PCDHAC1: variants seen among roughly 807,000 people sequenced by gnomAD.
PCDHAC1 encodes the protein protocadherin alpha-C1.
PCDHAC1 carries 42 observed loss-of-function variants against 60.0 expected under a neutral mutation model. That is an observed-to-expected ratio of 0.70 (90% CI 0.55 to 0.90). The LOEUF is 0.90. Among genes scored for constraint, PCDHAC1 ranks in the 40% least tolerant of loss-of-function variants. The pLI is 0.00. For missense variants in PCDHAC1, 1,160 were observed against 1,222.3 expected (o/e 0.95, Z 0.76); for synonymous variants, 468 against 499.3 (o/e 0.94, Z 0.84).
At chr5:140,985,851 TG>T (rs1269261138) in intron 3 of PCDHAC1, among the ~76,000 whole-genome samples, 1 of 149,322 alleles carries the variant, frequency 6.7e-6, no homozygotes, top group Non-Finnish European at 1.5e-5. Flanking sequence ...GCCACTCTCC[TG>T]CCTCAGCCTC....
At chr5:140,963,346 A>G (rs2095758163) in intron 1 of PCDHAC1, among the ~76,000 whole-genome samples, 1 of 152,236 alleles carries the variant, frequency 6.6e-6, no homozygotes, top group Non-Finnish European at 1.5e-5. Flanking sequence ...TTGTAAATTT[A>G]GTTCTTTTCA....
At chr5:140,943,277 AG>A (rs199866143) in intron 1 of PCDHAC1, among the ~76,000 whole-genome samples, 16,429 of 127,604 alleles carry the variant, frequency 0.13, 1,638 homozygotes, top group African/African-American at 0.18. Flanking sequence ...AAAAAAAAAA[AG>A]AAAGAAAGAA....
chr5:140,977,325 G>A (rs1277032974), intron 1 of PCDHAC1, among the ~76,000 whole-genome samples: 1 of 152,210 alleles, frequency 6.6e-6, no homozygotes, highest in African/African-American at 2.4e-5. Context: ...TCCTGATGGC[G>A]AGGGGAGAGA....
intron 1 of PCDHAC1, among the ~76,000 whole-genome samples, chr5:140,942,450 C>A (rs1017198131): frequency 6.6e-6 from 1 of 151,378 alleles, no homozygotes; most frequent in African/African-American, 2.4e-5. Flanking sequence ...AGTAAACTAT[C>A]AATTATAATA....
intron 3 of PCDHAC1, among the ~76,000 whole-genome samples, chr5:140,997,970 G>A (rs2097791868): frequency 2.0e-5 from 3 of 152,106 alleles, no homozygotes; most frequent in Admixed American, 2.0e-4. Context: ...ACCTGTGGTT[G>A]GACTGCACTT....
chr5:141,010,276 TTGA>T lies in PCDHAC1; in HGVS notation c.*343_*345del, dbSNP rs1554262867. On this transcript the variant is annotated 3_prime_UTR_variant, in exon 4 of 4. Transcript: ENST00000253807. ...TGCCCTGTGCTCCGGGGATCCTGTC[TTGA>T]TGACACTTGCAGGGCAGGCTGAAAA... is the stretch of plus-strand genomic sequence containing the variant. The T allele has an allele frequency of 4.5e-6, 7 of 1,551,580 alleles. No individual in the cohort carries two copies. The highest frequency in any genetic ancestry group is 6.1e-6 in the Non-Finnish European group (7 of 1,146,976).
chr5:140,993,462 TCACACACACACACACA>T (rs3836747), intron 3 of PCDHAC1, among the ~76,000 whole-genome samples: 191 of 141,044 alleles, frequency 1.4e-3, no homozygotes, highest in African/African-American at 3.8e-3. Context: ...TCTTTCTTTC[TCACACACACACACACA>T]CACACACACA....
intron 3 of PCDHAC1, among the ~76,000 whole-genome samples, chr5:140,987,219 A>G (rs1340141684): frequency 6.6e-6 from 1 of 151,240 alleles, no homozygotes; most frequent in African/African-American, 2.5e-5. Flanking sequence ...ATCTCAAAAA[A>G]AAAAAAAATA....
At chr5:141,009,120 T>C (rs1383940737) in intron 3 of PCDHAC1, among the ~76,000 whole-genome samples, 1 of 152,236 alleles carries the variant, frequency 6.6e-6, no homozygotes, top group African/African-American at 2.4e-5. Flanking sequence ...ACTAGATTCT[T>C]GGTATCCTGG....
intron 1 of PCDHAC1, chr5:140,969,304 C>A (rs782271875): frequency 9.3e-6 from 15 of 1,614,042 alleles, no homozygotes; most frequent in African/African-American, 1.3e-5. Flanking sequence ...TGATTATTCT[C>A]AAAAATGAGG....
intron 1 of PCDHAC1, chr5:140,968,024 A>C: frequency 1.2e-6 from 2 of 1,614,178 alleles, no homozygotes; most frequent in Non-Finnish European, 1.7e-6. Flanking sequence ...AAACTCCTAT[A>C]CACTGGTGGT....
chr5:140,966,800 G>T, intron 1 of PCDHAC1: 1 of 1,540,654 alleles, frequency 6.5e-7, no homozygotes, highest in East Asian at 2.4e-5. Flanking sequence ...TGCGGCGACA[G>T]AGCATCCACG....
chr5:140,983,483 C>T (rs2097053951), intron 3 of PCDHAC1, among the ~76,000 whole-genome samples: 1 of 152,220 alleles, frequency 6.6e-6, no homozygotes, highest in African/African-American at 2.4e-5. Flanking sequence ...ATAGTAGTTA[C>T]TAATTATTAA....
At chr5:140,945,437 A>T (rs2093790061) in intron 1 of PCDHAC1, among the ~76,000 whole-genome samples, 1 of 152,192 alleles carries the variant, frequency 6.6e-6, no homozygotes, top group South Asian at 2.1e-4. Context: ...TTTTACAGAA[A>T]TATAAAAAAC....
intron 2 of PCDHAC1, among the ~76,000 whole-genome samples, chr5:140,979,796 T>A (rs1322390860): frequency 3.3e-5 from 5 of 152,236 alleles, no homozygotes; most frequent in Non-Finnish European, 7.3e-5. Flanking sequence ...AAACAAATGA[T>A]CACAACTATC....
rs868942705 is a variant in PCDHAC1 at position 140,935,763 on chromosome 5, C to T, written c.2433+6438C>T. Reference sequence around the variant, plus strand: ...TATTCCATACAATACACATTCTTCCCCACTTTGAGTTTTTTCACTTAAAAA... The same window carrying T: ...TATTCCATACAATACACATTCTTCCTCACTTTGAGTTTTTTCACTTAAAAA... On this transcript the variant is annotated intron_variant, in intron 1 of 3. Coordinates refer to ENST00000253807, the MANE Select transcript of PCDHAC1 (RefSeq NM_018898.5). Among the ~76,000 whole-genome samples, 111 of 152,180 alleles carry T rather than the reference C, an allele frequency of 7.3e-4. 1 individual carries two copies. The highest frequency in any genetic ancestry group is 3.4e-3 in the Middle Eastern group (1 of 294).
At chr5:140,973,492 T>C (rs2096590680) in intron 1 of PCDHAC1, among the ~76,000 whole-genome samples, 1 of 152,192 alleles carries the variant, frequency 6.6e-6, no homozygotes, top group African/African-American at 2.4e-5. Context: ...GTCACAGGAC[T>C]CTTCTTCTGA....
chr5:140,994,911 A>C (rs527704488), intron 3 of PCDHAC1, among the ~76,000 whole-genome samples: 4 of 152,222 alleles, frequency 2.6e-5, no homozygotes, highest in African/African-American at 9.6e-5. Flanking sequence ...TGTAGACTGG[A>C]ATCAGATTTT....
chr5:140,933,137 A>C (rs1378585369), intron 1 of PCDHAC1, among the ~76,000 whole-genome samples: 1 of 151,994 alleles, frequency 6.6e-6, no homozygotes, highest in African/African-American at 2.4e-5. Context: ...ATAAAGGTAG[A>C]TAGCCACTCA....
Sources: gnomAD v4.1 joint callset for allele counts (sites outside exome capture counted in the v4.1 genomes callset) on GRCh38, gnomAD v4.1.1 for gene constraint, MANE v1.5 for transcripts, NCBI Gene and HGNC (gene_info 2026-07-23, HGNC 2026-07-21) for gene names.